SEC24D: variants seen among roughly 807,000 people sequenced by gnomAD.
SEC24D encodes the protein SEC24 homolog D, COPII component, also known as protein transport protein Sec24D.
SEC24D carries 69 observed loss-of-function variants against 116.9 expected under a neutral mutation model. The observed-to-expected ratio is 0.59, with a 90% CI of 0.49 to 0.72. The LOEUF (loss-of-function observed/expected upper bound fraction) is 0.72. Ranked by LOEUF, SEC24D falls within the 30% of genes least tolerant of loss-of-function variation. SEC24D has a pLI of 0.00. For synonymous variants in SEC24D, 405 were observed against 442.8 expected, an observed-to-expected ratio of 0.91 and a Z score of 1.07; for missense variants, 1,131 against 1,264.1, an observed-to-expected ratio of 0.89 and a Z score of 1.60.
Position 118,728,148 on chromosome 4 carries a change from TG to T in SEC24D, c.2958+412del, listed in dbSNP as rs1288969918. Among the ~76,000 whole-genome samples, 13 of 152,316 alleles carry T rather than the reference TG, an allele frequency of 8.5e-5. No homozygotes were observed. In the East Asian group the frequency reaches 2.5e-3, roughly 29 times the overall value. ...AAACTCAGAAAAGGCTAGAAGGGCT[TG>T]GAAGGACAAGAATAACAAAACTTTT... On this transcript the variant is annotated intron_variant, in intron 22 of 22. Coordinates refer to ENST00000280551, the MANE Select transcript of SEC24D (RefSeq NM_014822.4).
chr4:118,789,746 G>A (rs1020646554), intron 8 of SEC24D, among the ~76,000 whole-genome samples: 2 of 152,054 alleles, frequency 1.3e-5, no homozygotes, highest in Admixed American at 1.3e-4. Flanking sequence ...CACCATGCCA[G>A]GCTAATTTTT....
intron 4 of SEC24D, chr4:118,816,933 T>G (rs1268032658): frequency 3.1e-6 from 1 of 326,494 alleles, no homozygotes; most frequent in East Asian, 9.7e-5. Context: ...AATACAAGGT[T>G]TAAATTATCC....
chr4:118,810,147 T>C (rs1265012721), intron 6 of SEC24D, among the ~76,000 whole-genome samples: 2 of 118,014 alleles, frequency 1.7e-5, no homozygotes, highest in Non-Finnish European at 3.6e-5. Flanking sequence ...TCAGAGGGTA[T>C]AGGGGAGCCA....
At chr4:118,740,386 G>A (rs1379444179) in intron 17 of SEC24D, among the ~76,000 whole-genome samples, 5 of 151,276 alleles carry the variant, frequency 3.3e-5, no homozygotes, top group African/African-American at 4.9e-5. Context: ...AGTGAATACC[G>A]TTGGAAGTCA....
chr4:118,778,203 T>A (rs983995326), intron 8 of SEC24D, among the ~76,000 whole-genome samples: 1 of 152,312 alleles, frequency 6.6e-6, no homozygotes, highest in African/African-American at 2.4e-5. Context: ...CTGAATGGTA[T>A]TGCCTAGGTT....
chr4:118,768,048 G>C (rs1211925836), intron 9 of SEC24D, 125 bp downstream of exon 9: 3 of 749,040 alleles, frequency 4.0e-6, no homozygotes, highest in South Asian at 5.6e-5. Context: ...TTTCCTTCTA[G>C]AAAATTATAA....
rs746646806 is a variant in SEC24D, at chr4:118,817,439, C to T, written c.249-27G>A. ...TGAGAGAGGAAAACAGGATGTCAAACAATATCACAGCGTCTCAAGCAAATG... is the reference window on the plus strand; with the variant it reads ...TGAGAGAGGAAAACAGGATGTCAAATAATATCACAGCGTCTCAAGCAAATG... On this transcript the variant is annotated intron_variant, in intron 3 of 22. Transcript: ENST00000280551. 11 of 1,587,876 alleles carry T rather than the reference C, an allele frequency of 6.9e-6. No individual in the cohort carries two copies. In the African/African-American group the frequency reaches 9.5e-5, roughly 14 times the overall value.
intron 11 of SEC24D, among the ~76,000 whole-genome samples, chr4:118,755,565 G>C (rs1052397721): frequency 2.0e-5 from 3 of 151,776 alleles, no homozygotes; most frequent in African/African-American, 7.3e-5. Flanking sequence ...AGAAAAGTCT[G>C]GCGACCTTGA....
chr4:118,825,482 T>G (rs548824278), intron 2 of SEC24D: 29 of 443,984 alleles, frequency 6.5e-5, no homozygotes, highest in East Asian at 1.4e-4. Flanking sequence ...GACATTTCTC[T>G]CTTTTCTTCT....
chr4:118,751,562 A>T (rs1333385144), intron 13 of SEC24D, among the ~76,000 whole-genome samples: 1 of 152,186 alleles, frequency 6.6e-6, no homozygotes, highest in Non-Finnish European at 1.5e-5. Context: ...AACTGGAGAC[A>T]TGGCCAACCT....
chr4:118,752,961 A>G (rs567814191), intron 11 of SEC24D, 73 bp from the exon 12 acceptor site: 2 of 1,083,094 alleles, frequency 1.8e-6, no homozygotes. Flanking sequence ...TCTGAAATTC[A>G]GTAAGTGTGT....
At position 118,744,128 on chromosome 4, in the gene SEC24D, C is replaced by T. The variant is rs777619360; in HGVS notation, c.1855G>A (p.Asp619Asn). 27 of 1,593,572 alleles carry T rather than the reference C, an allele frequency of 1.7e-5. No individual in the cohort carries two copies. Among genetic ancestry groups the T allele is most frequent in the Non-Finnish European group, 2.2e-5 (26 of 1,171,822 alleles). ...ILFQPQTNVY[D>N]SLAKDCVAHG... ...GCCACGCAGTCCTTGGCCAATGAGT[C>T]ATAGACATTTGTTTGGGGCTGGAAA... The change falls in exon 15 of 23, where the codon GAC (aspartate) becomes AAC (asparagine). Residue 619 changes from aspartate to asparagine, a missense_variant. By Grantham distance (23) the Asp-to-Asn change is conservative (BLOSUM62 1). Transcript: ENST00000280551.
chr4:118,813,448 C>T (rs1373757491), intron 6 of SEC24D, among the ~76,000 whole-genome samples: 1 of 152,178 alleles, frequency 6.6e-6, no homozygotes, highest in African/African-American at 2.4e-5. Context: ...GTGGTGACAG[C>T]CTTCTTCTGG....
At chr4:118,732,937 A>G in intron 19 of SEC24D, 25 bp from the exon 20 acceptor site, 1 of 1,590,756 alleles carries the variant, frequency 6.3e-7, no homozygotes, top group Non-Finnish European at 8.6e-7. Context: ...TTTTTGTTTC[A>G]TACGCTTGAT....
intron 22 of SEC24D, among the ~76,000 whole-genome samples, chr4:118,727,798 A>G (rs747477817): frequency 5.9e-5 from 9 of 152,188 alleles, no homozygotes; most frequent in South Asian, 2.1e-4. Flanking sequence ...CATTAGTTCA[A>G]TTTACCTAAG....
At chr4:118,729,446 C>G (rs1725571674) in intron 21 of SEC24D, 1 of 152,128 alleles carries the variant, frequency 6.6e-6, no homozygotes, top group African/African-American at 2.4e-5. Context: ...AAGTTTGATC[C>G]CTTTTCAAGA....
Position 118,835,953 on chromosome 4 carries a change from C to T in SEC24D, c.-54G>A, listed in dbSNP as rs2110549733. 1 of 152,364 alleles carries T rather than the reference C, an allele frequency of 6.6e-6. No individual in the cohort carries two copies. Among genetic ancestry groups the T allele is most frequent in the African/African-American group, 2.4e-5 (1 of 41,584 alleles). The allele number at this position is 152,364 out of a possible 1,614,324, so 9.4% of individuals were successfully genotyped here. ...TGGGAGGCTTTACCTGTTCCCGCTC[C>T]CGCACCCCGCGGGCTTCCGAGCGCT... On this transcript the variant is annotated 5_prime_UTR_variant, in exon 1 of 23. Transcript: ENST00000280551.
At chr4:118,835,208 AAG>A (rs1445985407) in intron 1 of SEC24D, among the ~76,000 whole-genome samples, 5 of 152,202 alleles carry the variant, frequency 3.3e-5, no homozygotes, top group Admixed American at 1.3e-4. Flanking sequence ...AGTGACAGAA[AAG>A]AGAGGCTGAG....
intron 19 of SEC24D, 128 bp from the exon 20 acceptor site, chr4:118,733,040 C>T: frequency 1.3e-6 from 1 of 745,336 alleles, no homozygotes; most frequent in Admixed American, 2.6e-5. Flanking sequence ...ACTGGTAACC[C>T]ATGTAAAACA....
Sources: gnomAD v4.1 joint callset for allele counts (sites outside exome capture counted in the v4.1 genomes callset) on GRCh38, gnomAD v4.1.1 for gene constraint, MANE v1.5 for transcripts, NCBI Gene and HGNC (gene_info 2026-07-23, HGNC 2026-07-21) for gene names.